Variants in CADM2 observed in about 807,000 individuals in gnomAD.
CADM2 encodes cell adhesion molecule 2.
Under a neutral mutation model 49.8 loss-of-function variants are expected in CADM2, and 12 were observed. The ratio of observed to expected loss-of-function variants is 0.24; its 90% CI spans 0.15 to 0.39. The LOEUF (loss-of-function observed/expected upper bound fraction) is 0.39, where lower values mean the gene tolerates loss of function less well. Among genes scored for constraint, CADM2 ranks in the 10% least tolerant of loss-of-function variants. The pLI is 1.00. For synonymous variants in CADM2, 214 were observed against 175.4 expected, an observed-to-expected ratio of 1.22 and a Z score of -1.74; for missense variants, 378 against 492.3, an observed-to-expected ratio of 0.77 and a Z score of 2.20.
chr3:85,493,393 A>T (rs1267719738), intron 1 of CADM2, among the ~76,000 whole-genome samples: 2 of 151,900 alleles, frequency 1.3e-5, no homozygotes, highest in Non-Finnish European at 2.9e-5. Flanking sequence ...TAATATGAAT[A>T]CTCTATGAAA....
At chr3:85,449,032 G>T (rs1410748395) in intron 1 of CADM2, among the ~76,000 whole-genome samples, 1 of 99,782 alleles carries the variant, frequency 1.0e-5, no homozygotes, top group Non-Finnish European at 2.1e-5. Flanking sequence ...CCTCGGCAAA[G>T]GGGCGAGACT....
At chr3:85,349,382 C>T (rs910126704) in intron 1 of CADM2, among the ~76,000 whole-genome samples, 23 of 152,154 alleles carry the variant, frequency 1.5e-4, no homozygotes, top group Admixed American at 2.0e-4. Context: ...AGGTTAAATA[C>T]AGATACTACC....
chr3:85,478,823 T>C (rs1013993622), intron 1 of CADM2, among the ~76,000 whole-genome samples: 4 of 151,998 alleles, frequency 2.6e-5, no homozygotes, highest in African/African-American at 9.7e-5. Flanking sequence ...AAATAGTATA[T>C]TGTTATTACT....
At chr3:85,943,057 GT>G (rs1238237523) in intron 7 of CADM2, among the ~76,000 whole-genome samples, 1 of 151,960 alleles carries the variant, frequency 6.6e-6, no homozygotes, top group African/African-American at 2.4e-5. Flanking sequence ...TCTCATTGTA[GT>G]TTTGATTTGC....
intron 1 of CADM2, among the ~76,000 whole-genome samples, chr3:85,411,291 C>A (rs1267799279): frequency 6.6e-6 from 1 of 152,128 alleles, no homozygotes; most frequent in South Asian, 2.1e-4. Flanking sequence ...TTGTACTGAG[C>A]TGCAGTAGCA....
chr3:85,514,299 C>T (rs775583872), intron 1 of CADM2, among the ~76,000 whole-genome samples: 11 of 151,994 alleles, frequency 7.2e-5, no homozygotes, highest in Non-Finnish European at 1.2e-4. Context: ...TCTCTATTCA[C>T]GTTTTGTAAT....
intron 1 of CADM2, among the ~76,000 whole-genome samples, chr3:85,355,549 A>G (rs1000879366): frequency 1.3e-5 from 2 of 152,148 alleles, no homozygotes; most frequent in African/African-American, 4.8e-5. Flanking sequence ...CACTTATTTA[A>G]CAAGAATTCA....
intron 1 of CADM2, among the ~76,000 whole-genome samples, chr3:85,544,204 G>A (rs2061611061): frequency 6.6e-6 from 1 of 152,180 alleles, no homozygotes; most frequent in Admixed American, 6.5e-5. Flanking sequence ...AAAATTCACA[G>A]TTGGACCAAT....
intron 9 of CADM2, 110 bp downstream of exon 9, chr3:86,065,840 G>C (rs1485479755): frequency 1.0e-6 from 1 of 994,508 alleles, no homozygotes; most frequent in Admixed American, 3.3e-5. Context: ...GTAGAATAGG[G>C]AGATAGAGAG....
intron 3 of CADM2, among the ~76,000 whole-genome samples, chr3:85,864,635 A>G (rs967820473): frequency 6.6e-6 from 1 of 152,204 alleles, no homozygotes; most frequent in African/African-American, 2.4e-5. Flanking sequence ...AGTAATTCCA[A>G]GTACAGTTCA....
intron 1 of CADM2, among the ~76,000 whole-genome samples, chr3:84,983,809 C>T (rs942630924): frequency 6.6e-6 from 1 of 151,988 alleles, no homozygotes; most frequent in Non-Finnish European, 1.5e-5. Context: ...TTTTATTTTT[C>T]ATTCTTGGAA....
intron 8 of CADM2, among the ~76,000 whole-genome samples, chr3:85,984,529 T>G (rs1401073807): frequency 6.6e-6 from 1 of 151,816 alleles, no homozygotes; most frequent in East Asian, 1.9e-4. Context: ...TAAGAATTTA[T>G]AACTGAACTT....
intron 6 of CADM2, among the ~76,000 whole-genome samples, chr3:85,917,404 G>A (rs906186542): frequency 4.7e-5 from 7 of 148,870 alleles, no homozygotes; most frequent in African/African-American, 1.7e-4. Flanking sequence ...AGTTTTCCCG[G>A]CACCATTTAT....
intron 2 of CADM2, among the ~76,000 whole-genome samples, chr3:85,784,430 G>A (rs1353012143): frequency 6.6e-6 from 1 of 151,920 alleles, no homozygotes; most frequent in Non-Finnish European, 1.5e-5. Flanking sequence ...ACTGATTTTA[G>A]AAATACAACA....
chr3:85,588,376 A>G (rs917296585), intron 1 of CADM2, among the ~76,000 whole-genome samples: 2 of 151,934 alleles, frequency 1.3e-5, no homozygotes, highest in African/African-American at 4.8e-5. Context: ...GAGGGAAAAT[A>G]CTCACCCCAC....
At chr3:86,042,978 C>G (rs1279711603) in intron 8 of CADM2, among the ~76,000 whole-genome samples, 1 of 152,130 alleles carries the variant, frequency 6.6e-6, no homozygotes, top group South Asian at 2.1e-4. Context: ...AAGACAAAAA[C>G]CACTTGATTA....
intron 1 of CADM2, among the ~76,000 whole-genome samples, chr3:85,564,672 T>C (rs1387160255): frequency 1.3e-5 from 2 of 152,124 alleles, no homozygotes; most frequent in East Asian, 3.8e-4. Flanking sequence ...CTTATTCATC[T>C]GTCTTTCTAT....
At chr3:85,351,956 G>A (rs923127640) in intron 1 of CADM2, among the ~76,000 whole-genome samples, 2 of 151,932 alleles carry the variant, frequency 1.3e-5, no homozygotes, top group African/African-American at 4.8e-5. Flanking sequence ...ATTTCCACAT[G>A]CAACACACAC....
intron 8 of CADM2, chr3:86,012,582 C>T (rs9874892): frequency 0.16 from 253,439 of 1,550,932 alleles, 21,807 homozygotes; most frequent in South Asian, 0.22. Context: ...CTGCGCTGCC[C>T]CCAACTGCAC....
Sources: gnomAD v4.1 joint callset for allele counts (sites outside exome capture counted in the v4.1 genomes callset) on GRCh38, gnomAD v4.1.1 for gene constraint, MANE v1.5 for transcripts, NCBI Gene and HGNC (gene_info 2026-07-23, HGNC 2026-07-21) for gene names.